DCTN1: variants seen among roughly 807,000 people sequenced by gnomAD.
DCTN1 encodes dynactin subunit 1.
DCTN1 carries 61 observed loss-of-function variants against 161.2 expected under a neutral mutation model. That is an observed-to-expected ratio of 0.38 (90% CI 0.31 to 0.47). DCTN1 has a LOEUF of 0.47. DCTN1 is among the 20% of genes least tolerant of loss of function. The pLI is 0.99. For missense variants in DCTN1, 1,404 were observed against 1,623.7 expected (o/e 0.86, Z 2.33); for synonymous variants, 653 against 632.4 (o/e 1.03, Z -0.49).
chr2:74,369,593 G>A lies in DCTN1; in HGVS notation c.1393-102C>T. On this transcript the variant is annotated intron_variant, in intron 13 of 31. Coordinates refer to ENST00000628224, the MANE Select transcript of DCTN1 (RefSeq NM_004082.5). This position sits in a 1 kb window ranked among gnomAD's most constrained non-coding sequence, Gnocchi z 4.9. Reference sequence around the variant, plus strand: ...GCACTTTGGGAGGTCAAAGCAGGCGGATCATGAGGTCGAGATCGAGATCAT... The same window carrying A: ...GCACTTTGGGAGGTCAAAGCAGGCGAATCATGAGGTCGAGATCGAGATCAT... 8.4e-7 allele frequency: 1 copy of A among 1,187,026 alleles called. No homozygotes were observed. Among genetic ancestry groups the A allele is most frequent in the South Asian group, 1.2e-5 (1 of 82,212 alleles). The allele number at this position is 1,187,026 out of a possible 1,614,324, so 73.5% of individuals were successfully genotyped here.
chr2:74,364,566 A>G lies in DCTN1; in HGVS notation c.3196+509T>C, dbSNP rs932143042. On this transcript the variant is annotated intron_variant, in intron 26 of 31. Coordinates refer to ENST00000628224, the MANE Select transcript of DCTN1 (RefSeq NM_004082.5). ...GGAGCCCTGACTATACTGAGTGACT[A>G]GACAAAGGTCAAAACACAAGCCCCA... 2.6e-5 allele frequency: 6 copies of G among 234,996 alleles called. No homozygotes were observed. In the East Asian group the frequency reaches 6.2e-4, roughly 24 times the overall value. 14.6% of individuals were successfully genotyped at this position (234,996 alleles called of 1,614,324 possible). A position where few individuals can be genotyped will look rare whatever the true frequency, so the allele number is the denominator to read the frequency against.
Position 74,371,555 on chromosome 2 carries a change from C to T in DCTN1, c.627G>A (p.Pro209=), listed in dbSNP as rs147673066. 9.2e-5 allele frequency: 145 copies of T among 1,578,248 alleles called. No individual in the cohort carries two copies. In the African/African-American group the frequency reaches 9.8e-4, roughly 11 times the overall value. The change falls in exon 8 of 32, where the codon CCG becomes CCA. Residue 209 remains proline, a synonymous_variant. Transcript: ENST00000628224. The part of the protein sequence containing the change: ...PVLTSPGAVP[P]LPSPSKEEEG... ...GCCTTACCTTGGATGGGGAAGGAAG[C>T]GGGGGGACTGCTCCAGGAGAGGTGA...
rs1348305000 is a variant in DCTN1 at position 74,374,473 on chromosome 2, C to T, written c.415-133G>A. On this transcript the variant is annotated intron_variant, in intron 5 of 31. Coordinates refer to ENST00000628224, the MANE Select transcript of DCTN1 (RefSeq NM_004082.5). ...AGAGACCGAACAGAGGGAAAGGCGGCGGAGACAGGAGATTAGTGCATCAAA... is the reference window on the plus strand; with the variant it reads ...AGAGACCGAACAGAGGGAAAGGCGGTGGAGACAGGAGATTAGTGCATCAAA... The T allele has an allele frequency of 1.3e-5, 20 of 1,535,568 alleles. 1 individual carries two copies. In the East Asian group the frequency reaches 1.4e-4, roughly 11 times the overall value.
Position 74,373,263 on chromosome 2 carries a change from C to T in DCTN1, c.433-315G>A, listed in dbSNP as rs945108636. ...GCTGAGCCATAGAACAAGGAAGCAG[C>T]TAGTGAGAAGGTCCCATGAGACCAG... On this transcript the variant is annotated intron_variant, in intron 6 of 31. Coordinates refer to ENST00000628224, the MANE Select transcript of DCTN1 (RefSeq NM_004082.5). The T allele has an allele frequency of 1.1e-5, 5 of 444,856 alleles. No individual in the cohort carries two copies. The East Asian group carries it at 2.3e-4, about 20-fold the overall frequency. 27.6% of individuals were successfully genotyped at this position (444,856 alleles called of 1,614,324 possible). A position where few individuals can be genotyped will look rare whatever the true frequency, so the allele number is the denominator to read the frequency against.
intron 1 of DCTN1, among the ~76,000 whole-genome samples, chr2:74,386,212 C>T (rs1013331211): frequency 3.3e-5 from 5 of 152,180 alleles, no homozygotes; most frequent in African/African-American, 1.2e-4. Flanking sequence ...AGACTCTAGG[C>T]TCTCAAGGTT....
Position 74,379,994 on chromosome 2 carries a change from G to A in DCTN1, c.33+11C>T, listed in dbSNP as rs1414295209. On this transcript the variant is annotated intron_variant, in intron 1 of 31. Coordinates refer to ENST00000628224, the MANE Select transcript of DCTN1 (RefSeq NM_004082.5). ...AGCCCTCCAGGGCCATCCCAGATTA[G>A]GGCCACTTACCCGGCTGTACACGTG... 2 of 1,614,054 alleles carry A rather than the reference G, an allele frequency of 1.2e-6. No homozygotes were observed. The highest frequency in any genetic ancestry group is 2.2e-5 in the South Asian group (2 of 91,078).
At chr2:74,367,013 A>T (rs1273009228) in intron 20 of DCTN1, 32 bp downstream of exon 20, 1 of 1,614,198 alleles carries the variant, frequency 6.2e-7, no homozygotes, top group East Asian at 2.2e-5. Context: ...AAGAAAGAAG[A>T]GGAGCTCACA....
At chr2:74,375,276 C>A (rs1675158958) in intron 5 of DCTN1, among the ~76,000 whole-genome samples, 1 of 152,216 alleles carries the variant, frequency 6.6e-6, no homozygotes, top group Non-Finnish European at 1.5e-5. Flanking sequence ...AAGAACTAGG[C>A]ACTTTGCAGA....
Position 74,377,674 on chromosome 2 carries a change from G to T in DCTN1, c.332C>A (p.Ser111Tyr), listed in dbSNP as rs374419252. The T allele has an allele frequency of 6.2e-7, 1 of 1,614,166 alleles. No homozygotes were observed. Among genetic ancestry groups the T allele is most frequent in the Non-Finnish European group, 8.5e-7 (1 of 1,180,000 alleles). ...TCTTTTGAGGACTTTTGAAGCAGAA[G>T]AATCAGGTGTCTCTGGGGAAGTAGT... ...ADTTSPETPD[S>Y]SASKVLKREG... The change falls in exon 3 of 32, where the codon TCT becomes TAT. Residue 111 changes from serine to tyrosine, a missense_variant. Physicochemically the swap from Ser to Tyr is moderately radical, Grantham distance 144. Transcript: ENST00000628224.
intron 26 of DCTN1, chr2:74,364,706 C>G (rs999872080): frequency 2.9e-6 from 1 of 343,452 alleles, no homozygotes; most frequent in Non-Finnish European, 5.6e-6. Context: ...GAGCAGGTAT[C>G]GGGCAGGGCT....
chr2:74,380,256 G>A lies in DCTN1; in HGVS notation c.-219C>T, dbSNP rs1294881616. 3 of 634,762 alleles carry A rather than the reference G, an allele frequency of 4.7e-6. No homozygotes were observed. The highest frequency in any genetic ancestry group is 8.6e-6 in the Non-Finnish European group (3 of 348,946). 39.3% of individuals were successfully genotyped at this position (634,762 alleles called of 1,614,324 possible). On this transcript the variant is annotated 5_prime_UTR_variant, in exon 1 of 32. Coordinates refer to ENST00000628224, the MANE Select transcript of DCTN1 (RefSeq NM_004082.5). ...GGAGCAAGTCCCCTCTGCTGCCTGA[G>A]GATTCCTGAACCCAGAGACACAGAA...
intron 6 of DCTN1, 130 bp from the exon 7 acceptor site, chr2:74,373,078 T>TA: frequency 1.3e-6 from 1 of 779,450 alleles, no homozygotes; most frequent in East Asian, 2.7e-5. Flanking sequence ...TTAGCCACCC[T>TA]CCCCCCCATC....
chr2:74,361,549 C>T lies in DCTN1; in HGVS notation c.3787G>A (p.Val1263Met), dbSNP rs2104386411. 2 of 1,614,140 alleles carry T rather than the reference C, an allele frequency of 1.2e-6. No homozygotes were observed. The highest frequency in any genetic ancestry group is 2.2e-5 in the South Asian group (2 of 91,078). Residue 1263 changes from valine (V) to methionine (M), a missense_variant, in exon 32 of 32, where the codon GTG (valine) becomes ATG (methionine). Val to Met is a conservative substitution (Grantham distance 21). Coordinates refer to ENST00000628224, the MANE Select transcript of DCTN1 (RefSeq NM_004082.5). ...AAGFGQRHRL[V>M]LTQEQLHQLH... ...TGGTGCAGCTGCTCCTGGGTCAGCA[C>T]CAGCCGGTGTCGCTGTCCAAAACCA...
intron 1 of DCTN1, chr2:74,378,782 T>TC (rs961149566): frequency 1.7e-5 from 3 of 175,716 alleles, no homozygotes; most frequent in African/African-American, 7.2e-5. Flanking sequence ...TGTGCCTCCT[T>TC]CCAGACCCTT....
In DCTN1 at chr2:74,361,295, T is replaced by C. The variant is rs985777861; in HGVS notation, c.*204A>G. 3.9e-6 allele frequency: 3 copies of C among 770,236 alleles called. No homozygotes were observed. Among genetic ancestry groups the C allele is most frequent in the Non-Finnish European group, 6.6e-6 (3 of 452,772 alleles). The allele number at this position is 770,236 out of a possible 1,614,324, so 47.7% of individuals were successfully genotyped here. A position where few individuals can be genotyped will look rare whatever the true frequency, so the allele number is the denominator to read the frequency against. ...AAGGAGGGAGCAGTTGAACAACAAA[T>C]TATGGCAGAGGCCAGGGAATGGGAG... On this transcript the variant is annotated 3_prime_UTR_variant, in exon 32 of 32. Coordinates refer to ENST00000628224, the MANE Select transcript of DCTN1 (RefSeq NM_004082.5).
intron 26 of DCTN1, 96 bp downstream of exon 26, chr2:74,364,979 G>A: frequency 1.3e-6 from 2 of 1,517,804 alleles, no homozygotes; most frequent in Non-Finnish European, 1.8e-6. Flanking sequence ...TGAATACCCG[G>A]GGGTAAGGGG....
At position 74,371,813 on chromosome 2, in the gene DCTN1, G is replaced by C. The variant is rs1573167015; in HGVS notation, c.454-85C>G. ...AACAGAAACAGAATATGAGAATATGGCAAGGGAAGGAGACAGAAAAGGGAA... is the reference window on the plus strand; with the variant it reads ...AACAGAAACAGAATATGAGAATATGCCAAGGGAAGGAGACAGAAAAGGGAA... On this transcript the variant is annotated intron_variant, in intron 7 of 31. Coordinates refer to ENST00000628224, the MANE Select transcript of DCTN1 (RefSeq NM_004082.5). 6 of 1,103,158 alleles carry C rather than the reference G, an allele frequency of 5.4e-6. No homozygotes were observed. The East Asian group carries it at 1.5e-4, about 27-fold the overall frequency. 68.3% of individuals were successfully genotyped at this position (1,103,158 alleles called of 1,614,324 possible).
chr2:74,366,957 G>A (rs1243194962), intron 20 of DCTN1, 25 bp from the exon 21 acceptor site: 3 of 1,614,066 alleles, frequency 1.9e-6, no homozygotes, highest in Non-Finnish European at 2.5e-6. Flanking sequence ...GAAAATGGAT[G>A]GAGAACCAAG....
Position 74,368,858 on chromosome 2 carries a change from T to C in DCTN1, c.1724A>G (p.Gln575Arg). ...TCGATTGGCCTGGGCCACCTCCATC[T>C]GCCTCAATTCCATCTCAATTGCCTG... ...HAKAIEMELR[Q>R]MEVAQANRHM... Residue 575 changes from glutamine (Q) to arginine (R), a missense_variant, in exon 16 of 32, where the codon CAG becomes CGG. Around this residue, in one of 9 missense-constraint regions of DCTN1, gnomAD observed 278 missense variants for 363.8 expected, o/e 0.76. Transcript: ENST00000628224. 6.2e-7 allele frequency: 1 copy of C among 1,614,292 alleles called. No homozygotes were observed. The highest frequency in any genetic ancestry group is 1.1e-5 in the South Asian group (1 of 91,092).
Sources: gnomAD v4.1 joint callset for allele counts (sites outside exome capture counted in the v4.1 genomes callset) on GRCh38, gnomAD v4.1.1 for gene constraint, gnomAD v4.1.1 regional missense constraint, Gnocchi (gnomAD v3.1) non-coding constraint, MANE v1.5 for transcripts, NCBI Gene and HGNC (gene_info 2026-07-23, HGNC 2026-07-21) for gene names.